The following UTP20 variants were observed in gnomAD, a reference collection of about 807,000 sequenced individuals.
The protein encoded by UTP20 is UTP20 small subunit processome component.
UTP20 carries 164 observed loss-of-function variants against 329.5 expected under a neutral mutation model. The observed-to-expected ratio is 0.50, with a 90% CI of 0.44 to 0.57. The LOEUF (loss-of-function observed/expected upper bound fraction) is 0.57. UTP20 is among the 20% of genes least tolerant of loss of function. UTP20 has a pLI of 0.00. For missense variants in UTP20, 3,055 were observed against 3,284.2 expected, an observed-to-expected ratio of 0.93 and a Z score of 1.71; for synonymous variants, 1,151 against 1,159.3, an observed-to-expected ratio of 0.99 and a Z score of 0.14.
intron 48 of UTP20, among the ~76,000 whole-genome samples, chr12:101,368,673 A>G (rs1870179598): frequency 6.6e-6 from 1 of 152,158 alleles, no homozygotes; most frequent in South Asian, 2.1e-4. Context: ...CATGCTATGA[A>G]TCCCAAGAAC....
At chr12:101,344,934 C>CTTTTTTTTTTTGT (rs1869270399) in intron 36 of UTP20, among the ~76,000 whole-genome samples, 184 bp downstream of exon 36, 1 of 61,564 alleles carries the variant, frequency 1.6e-5, no homozygotes, top group Non-Finnish European at 3.1e-5. Flanking sequence ...CTTTTTTTTG[C>CTTTTTTTTTTTGT]TTTTTTTTTT....
chr12:101,290,832 T>C lies in UTP20; in HGVS notation c.835T>C (p.Ser279Pro). 6.2e-7 allele frequency: 1 copy of C among 1,614,040 alleles called. No individual in the cohort carries two copies. The highest frequency in any genetic ancestry group is 8.5e-7 in the Non-Finnish European group (1 of 1,179,962). Residue 279 changes from serine (S) to proline (P), a missense_variant, in exon 8 of 62, where the codon TCC becomes CCC. Around this residue, in one of 3 missense-constraint regions of UTP20, gnomAD observed 2,445 missense variants for 2,575.5 expected, o/e 0.95. Coordinates refer to ENST00000261637, the MANE Select transcript of UTP20 (RefSeq NM_014503.3). ...AGAAACACTCAAAAACATGGTCAAA[T>C]CCACTGTATCCTACATCTCCAAGGA... ...IGETLKNMVK[S>P]TVSYISKEHF...
intron 41 of UTP20, 39 bp from the exon 42 acceptor site, chr12:101,356,515 T>G: frequency 6.4e-7 from 1 of 1,554,492 alleles, no homozygotes. Context: ...CACTGATCCA[T>G]TTATTTTCAT....
Position 101,329,316 on chromosome 12 carries a change from A to T in UTP20, c.3284A>T (p.His1095Leu). 1.2e-6 allele frequency: 2 copies of T among 1,614,188 alleles called. No homozygotes were observed. The highest frequency in any genetic ancestry group is 1.7e-6 in the Non-Finnish European group (2 of 1,180,036). The change falls in exon 27 of 62, where the codon CAC (histidine) becomes CTC (leucine). Residue 1095 changes from histidine (H) to leucine (L), a missense_variant. Around this residue, in one of 3 missense-constraint regions of UTP20, gnomAD observed 2,445 missense variants for 2,575.5 expected, o/e 0.95. Transcript: ENST00000261637. ...LSKVLPLGRQHGILNSLEIVL... is the reference protein window; with the variant it reads ...LSKVLPLGRQLGILNSLEIVL... The stretch of plus-strand genomic sequence containing the variant: ...AAAGTTCTTCCTTTAGGTCGTCAGC[A>T]CGGTATCTTAAACAGCCTTGAGATA...
At chr12:101,287,758 C>T (rs1050153833) in intron 5 of UTP20, among the ~76,000 whole-genome samples, 4 of 152,238 alleles carry the variant, frequency 2.6e-5, no homozygotes, top group Non-Finnish European at 5.9e-5. Flanking sequence ...TGCATTTGCT[C>T]AGTCAATATT....
chr12:101,342,975 T>C lies in UTP20; in HGVS notation c.4331T>C (p.Ile1444Thr), dbSNP rs1222548828. 1 of 1,613,592 alleles carries C rather than the reference T, an allele frequency of 6.2e-7. No homozygotes were observed. Among genetic ancestry groups the C allele is most frequent in the East Asian group, 2.2e-5 (1 of 44,874 alleles). The change falls in exon 35 of 62, where the codon ATC becomes ACC. Residue 1444 changes from isoleucine to threonine, a missense_variant. Transcript: ENST00000261637. ...TTCGATCAAAGACATCTTGATGATA[T>C]CAACTTCGACGTTCGCTTTGAGACT... ...NAFDQRHLDD[I>T]NFDVRFETFQ...
At chr12:101,293,630 T>C (rs1872244790) in intron 11 of UTP20, among the ~76,000 whole-genome samples, 1 of 152,202 alleles carries the variant, frequency 6.6e-6, no homozygotes. Context: ...TTTATTTTTT[T>C]CTCTTCCTTC....
intron 25 of UTP20, among the ~76,000 whole-genome samples, chr12:101,324,153 A>T (rs1235902334): frequency 9.2e-6 from 1 of 108,134 alleles, no homozygotes; most frequent in African/African-American, 2.8e-5. Context: ...ATAAAAAAAT[A>T]AATAAATAAA....
chr12:101,371,011 G>A, intron 50 of UTP20, 47 bp from the exon 51 acceptor site: 1 of 1,553,508 alleles, frequency 6.4e-7, no homozygotes, highest in South Asian at 1.1e-5. Flanking sequence ...CCACGCATCT[G>A]CAGCAAAACA....
chr12:101,375,901 A>G (rs985868462), intron 56 of UTP20, 145 bp downstream of exon 56: 4 of 565,678 alleles, frequency 7.1e-6, no homozygotes, highest in African/African-American at 3.9e-5. Flanking sequence ...AAAAGGTTCT[A>G]TCAGATTGAA....
intron 12 of UTP20, among the ~76,000 whole-genome samples, chr12:101,296,672 C>T (rs1025855009): frequency 6.6e-6 from 1 of 151,740 alleles, no homozygotes; most frequent in African/African-American, 2.4e-5. Flanking sequence ...GGCGTGAACC[C>T]AGGAGGTAGA....
chr12:101,310,593 A>AAAAAAAAAAAAAAAAAAAAAAAAC, intron 19 of UTP20, among the ~76,000 whole-genome samples: 1 of 150,436 alleles, frequency 6.6e-6, no homozygotes, highest in African/African-American at 2.5e-5. Context: ...AAAAAAAAAA[A>AAAAAAAAAAAAAAAAAAAAAAAAC]AAAAATACAT....
chr12:101,382,889 C>T (rs903552050), intron 58 of UTP20, 152 bp from the exon 59 acceptor site: 2 of 885,196 alleles, frequency 2.3e-6, no homozygotes, highest in African/African-American at 1.8e-5. Context: ...AAAATGGAGC[C>T]TTCATCATTT....
intron 27 of UTP20, among the ~76,000 whole-genome samples, chr12:101,330,797 A>G (rs1377378244): frequency 6.6e-6 from 1 of 152,230 alleles, no homozygotes; most frequent in Non-Finnish European, 1.5e-5. Flanking sequence ...TCAGTAACTC[A>G]AAGGATAATT....
Position 101,379,577 on chromosome 12 carries a change from CT to C in UTP20, c.7584+23del, listed in dbSNP as rs767018399. ...CCAAAAGGTAAGCTTTCTCTCAAAC[CT>C]TTTCCTTCCCTCGTGACTGTAAGAT... On this transcript the variant is annotated intron_variant, in intron 57 of 61. Coordinates refer to ENST00000261637, the MANE Select transcript of UTP20 (RefSeq NM_014503.3). 94 of 1,599,512 alleles carry C rather than the reference CT, an allele frequency of 5.9e-5. No individual in the cohort carries two copies. The highest frequency in any genetic ancestry group is 7.8e-5 in the Non-Finnish European group (91 of 1,170,658).
chr12:101,383,497 G>A, intron 59 of UTP20, 46 bp from the exon 60 acceptor site: 5 of 1,596,600 alleles, frequency 3.1e-6, no homozygotes, highest in Non-Finnish European at 4.3e-6. Flanking sequence ...ATGATTGAGT[G>A]CTAAAGAGAA....
At chr12:101,303,478 C>T (rs974911117) in intron 15 of UTP20, among the ~76,000 whole-genome samples, 3 of 152,124 alleles carry the variant, frequency 2.0e-5, no homozygotes, top group African/African-American at 7.2e-5. Flanking sequence ...CAGTGAGGGA[C>T]GTAAGCCATG....
In UTP20 at chr12:101,306,719, G is replaced by T. The variant is rs1398765387; in HGVS notation, c.1953G>T (p.Arg651Ser). ...TCCAGATTCGGCTTTTGACAATAAG[G>T]ATCCTAAACCATTTTGATGTCCAGC... Reference protein sequence around the residue: ...GVSKIRLLTIRILNHFDVQLP... With the variant: ...GVSKIRLLTISILNHFDVQLP... The change falls in exon 17 of 62, where the codon AGG becomes AGT. Residue 651 changes from arginine to serine, a missense_variant. Transcript: ENST00000261637. 17 of 1,605,924 alleles carry T rather than the reference G, an allele frequency of 1.1e-5. No homozygotes were observed. Among genetic ancestry groups the T allele is most frequent in the Non-Finnish European group, 1.4e-5 (17 of 1,175,810 alleles).
intron 21 of UTP20, among the ~76,000 whole-genome samples, chr12:101,315,937 G>A (rs1872959527): frequency 6.6e-6 from 1 of 152,130 alleles, no homozygotes; most frequent in Non-Finnish European, 1.5e-5. Flanking sequence ...CAGGGAGTGG[G>A]TCTCTGAGTT....
Sources: allele counts gnomAD v4.1 joint callset (sites outside exome capture counted in the v4.1 genomes callset), GRCh38; gene constraint gnomAD v4.1.1; regional missense constraint gnomAD v4.1.1; transcripts MANE v1.5; gene names NCBI Gene and HGNC (gene_info 2026-07-23, HGNC 2026-07-21).